ANKRD31: variants seen among roughly 807,000 people sequenced by gnomAD.
ANKRD31 encodes the protein ankyrin repeat domain-containing protein 31.
In ANKRD31, 147 loss-of-function variants were observed where a neutral mutation model predicts 186.0. That is an observed-to-expected ratio of 0.79 (90% CI 0.69 to 0.91). The LOEUF is 0.91. ANKRD31 is among the 40% of genes least tolerant of loss of function. The pLI is 0.00. For synonymous variants in ANKRD31, 673 were observed against 736.4 expected, an observed-to-expected ratio of 0.91 and a Z score of 1.39; for missense variants, 1,986 against 2,148.8, an observed-to-expected ratio of 0.92 and a Z score of 1.50.
At chr5:75,226,233 G>T (rs1190220444) in intron 2 of ANKRD31, among the ~76,000 whole-genome samples, 1 of 152,176 alleles carries the variant, frequency 6.6e-6, no homozygotes, top group Non-Finnish European at 1.5e-5. Context: ...GATTTGGGGA[G>T]CTCACTGTAC....
chr5:75,137,783 T>G, intron 17 of ANKRD31, 73 bp downstream of exon 17: 2 of 1,281,528 alleles, frequency 1.6e-6, no homozygotes, highest in Non-Finnish European at 2.0e-6. Context: ...AGTTCTCAGT[T>G]TAAAAAATCT....
At chr5:75,081,674 G>C (rs1375902197) in intron 24 of ANKRD31, among the ~76,000 whole-genome samples, 1 of 151,714 alleles carries the variant, frequency 6.6e-6, no homozygotes, top group Non-Finnish European at 1.5e-5. Context: ...GGTGGGTGGT[G>C]GGGAGGAGGC....
At chr5:75,172,070 T>C (rs1753370938) in intron 10 of ANKRD31, among the ~76,000 whole-genome samples, 1 of 151,516 alleles carries the variant, frequency 6.6e-6, no homozygotes, top group Non-Finnish European at 1.5e-5. Context: ...AAAAGCATTA[T>C]CCCCCTCAAA....
intron 22 of ANKRD31, among the ~76,000 whole-genome samples, chr5:75,103,496 TG>T (rs1747079576): frequency 6.6e-6 from 1 of 152,240 alleles, no homozygotes; most frequent in African/African-American, 2.4e-5. Context: ...ATCCAATTAC[TG>T]GGCATATACC....
At chr5:75,069,020 C>T (rs1183585321) in intron 25 of ANKRD31, among the ~76,000 whole-genome samples, 2 of 152,122 alleles carry the variant, frequency 1.3e-5, no homozygotes, top group Admixed American at 6.5e-5. Flanking sequence ...AGCATACCGC[C>T]GGGCATATAG....
At chr5:75,142,275 T>C (rs774855046) in intron 15 of ANKRD31, among the ~76,000 whole-genome samples, 1 of 152,152 alleles carries the variant, frequency 6.6e-6, no homozygotes, top group Admixed American at 6.6e-5. Context: ...TCTTTAATGA[T>C]TTCTTCTACT....
chr5:75,112,639 G>A (rs1247124302), intron 19 of ANKRD31, 39 bp from the exon 20 acceptor site: 1 of 1,278,654 alleles, frequency 7.8e-7, no homozygotes, highest in Non-Finnish European at 1.1e-6. Flanking sequence ...TTATAAAGGG[G>A]TAGATATGCT....
chr5:75,131,102 A>C (rs1233303423), intron 17 of ANKRD31, among the ~76,000 whole-genome samples: 1 of 152,100 alleles, frequency 6.6e-6, no homozygotes, highest in East Asian at 1.9e-4. Context: ...ACACCCACCC[A>C]GAACCAGCAC....
chr5:75,170,995 A>G (rs561337177), intron 10 of ANKRD31, among the ~76,000 whole-genome samples: 1 of 152,212 alleles, frequency 6.6e-6, no homozygotes, highest in Non-Finnish European at 1.5e-5. Context: ...AACTGCCAGA[A>G]TCAAAGAAAG....
At chr5:75,224,129 TTATATATATATATATATATATATATA>T (rs148986776) in intron 2 of ANKRD31, among the ~76,000 whole-genome samples, 1 of 105,752 alleles carries the variant, frequency 9.5e-6, no homozygotes, top group African/African-American at 4.0e-5. Flanking sequence ...TCAGAAATAA[TTATATATATATATATATATATATATA>T]TATATGTATA....
chr5:75,169,012 G>T lies in ANKRD31; in HGVS notation c.1674C>A (p.Pro558=). The T allele has an allele frequency of 6.5e-7, 1 of 1,536,186 alleles. No individual in the cohort carries two copies. The part of the protein sequence containing the change: ...VNIKGLYQIT[P]LHDAVMNGHY... ...GTCCATTCATCACTGCATCATGTAG[G>T]GGAGTAATCTGGTATAATCCTTTGA... is the stretch of plus-strand genomic sequence containing the variant. The change falls in exon 11 of 26, where the codon CCC becomes CCA. Residue 558 remains proline, a synonymous_variant. Coordinates refer to ENST00000506364, the MANE Select transcript of ANKRD31 (RefSeq NM_001372053.1).
chr5:75,117,004 C>G (rs770023262), intron 18 of ANKRD31, among the ~76,000 whole-genome samples: 3 of 152,138 alleles, frequency 2.0e-5, no homozygotes, highest in Non-Finnish European at 2.9e-5. Context: ...CAATGTCACA[C>G]AGTTAGAACT....
intron 15 of ANKRD31, among the ~76,000 whole-genome samples, chr5:75,142,565 T>G (rs1280290353): frequency 6.6e-6 from 1 of 152,162 alleles, no homozygotes; most frequent in Non-Finnish European, 1.5e-5. Flanking sequence ...TTCTTCTGGG[T>G]TCCTTTGGTC....
Position 75,116,621 on chromosome 5 carries a change from G to T in ANKRD31, c.4100C>A (p.Thr1367Asn). ...HKQCFCDDGKTIDSSSLSHQE... is the reference protein window; with the variant it reads ...HKQCFCDDGKNIDSSSLSHQE... ...GTGTGAAAGGGAAGATGAGTCAATA[G>T]TTTTGCCATCATCACAAAAACACTG... Residue 1367 changes from threonine to asparagine, a missense_variant, in exon 19 of 26, where the codon ACT becomes AAT. Thr to Asn is a moderately conservative substitution (Grantham distance 65, BLOSUM62 0). Transcript: ENST00000506364. The T allele has an allele frequency of 6.8e-7, 1 of 1,470,740 alleles. No individual in the cohort carries two copies. The allele number at this position is 1,470,740 out of a possible 1,614,324, so 91.1% of individuals were successfully genotyped here. A position where few individuals can be genotyped will look rare whatever the true frequency, so the allele number is the denominator to read the frequency against.
At chr5:75,140,310 G>GAAGGAAGGAAGA (rs1294157716) in intron 15 of ANKRD31, among the ~76,000 whole-genome samples, 1 of 149,788 alleles carries the variant, frequency 6.7e-6, no homozygotes, top group Non-Finnish European at 1.5e-5. Context: ...AGGAAGGAAG[G>GAAGGAAGGAAGA]AAGGAAGGAA....
chr5:75,103,072 A>C (rs1054086812), intron 22 of ANKRD31, among the ~76,000 whole-genome samples: 3 of 152,080 alleles, frequency 2.0e-5, no homozygotes, highest in Admixed American at 6.5e-5. Context: ...CCAATCCTTT[A>C]ATCCATCTTG....
rs79088008 is a variant in ANKRD31, at chr5:75,208,469, C to T, written c.327-1982G>A. ...TTTTTTCTTGAAGCACCTGAAGGGA[C>T]TCTCTCCAGAATTTCCTTATCTGAC... On this transcript the variant is annotated intron_variant, in intron 4 of 25. Transcript: ENST00000506364. Among the ~76,000 whole-genome samples the T allele has an allele frequency of 2.4e-3, 365 of 151,934 alleles. 9 individuals are homozygous for T. The East Asian group carries it at 0.061, about 26-fold the overall frequency.
At chr5:75,230,470 A>G in intron 2 of ANKRD31, 92 bp downstream of exon 2, 1 of 951,576 alleles carries the variant, frequency 1.1e-6, no homozygotes, top group Admixed American at 3.2e-5. Flanking sequence ...CATTTTGCTT[A>G]AAGTCTCAGT....
intron 7 of ANKRD31, among the ~76,000 whole-genome samples, chr5:75,194,740 CATT>C (rs1455951156): frequency 2.0e-5 from 3 of 151,940 alleles, no homozygotes; most frequent in Non-Finnish European, 4.4e-5. Context: ...AAACAAAACA[CATT>C]ATTAAATTTA....
Sources: allele counts gnomAD v4.1 joint callset (sites outside exome capture counted in the v4.1 genomes callset), GRCh38; gene constraint gnomAD v4.1.1; transcripts MANE v1.5; gene names NCBI Gene and HGNC (gene_info 2026-07-23, HGNC 2026-07-21).